WDR44: variants seen among roughly 807,000 people sequenced by gnomAD.
WDR44 encodes WD repeat domain 44.
In WDR44, 9 loss-of-function variants were observed where a neutral mutation model predicts 65.7. The observed-to-expected ratio is 0.14, with a 90% CI of 0.08 to 0.24. The LOEUF (loss-of-function observed/expected upper bound fraction) is 0.24. Among genes scored for constraint, WDR44 ranks in the 10% least tolerant of loss-of-function variants. The probability of loss-of-function intolerance (pLI) is 1.00; values close to 1 mark genes in which losing one functional copy is unlikely to be tolerated. For missense variants in WDR44, 425 were observed against 670.9 expected (o/e 0.63, Z 4.05); for synonymous variants, 220 against 235.2 (o/e 0.94, Z 0.59).
chrX:118,447,988 T>G (rs2057362601), intron 19 of WDR44, among the ~76,000 whole-genome samples: 1 of 105,512 alleles, frequency 9.5e-6, no homozygotes, highest in East Asian at 2.9e-4. Context: ...TCATTATTAT[T>G]GTGTCTTACA....
intron 12 of WDR44, 79 bp downstream of exon 12, chrX:118,411,038 A>G: frequency 3.6e-6 from 3 of 827,850 alleles, no homozygotes; most frequent in Middle Eastern, 3.3e-4. Flanking sequence ...TGTGTATCAG[A>G]AATTACAGTT....
chrX:118,392,651 A>T lies in WDR44; in HGVS notation c.206A>T (p.Glu69Val), dbSNP rs141485861. Reference sequence around the variant, plus strand: ...CATCAGATTATTGAAAGTATTATTGAGGAGAGTCAGAAAGTACTACAGCTT... The same window carrying T: ...CATCAGATTATTGAAAGTATTATTGTGGAGAGTCAGAAAGTACTACAGCTT... ...VSKKIIESII[E>V]ESQKVLQLED... The change falls in exon 4 of 20, where the codon GAG becomes GTG. Residue 69 changes from glutamate to valine, a missense_variant. By Grantham distance (121) the Glu-to-Val change is moderately radical. Coordinates refer to ENST00000254029, the MANE Select transcript of WDR44 (RefSeq NM_019045.5). The T allele has an allele frequency of 2.5e-6, 3 of 1,195,496 alleles. No individual in the cohort carries two copies. In the African/African-American group the frequency reaches 5.3e-5, roughly 21 times the overall value.
intron 8 of WDR44, among the ~76,000 whole-genome samples, chrX:118,399,307 G>A (rs1318322408): frequency 8.9e-6 from 1 of 112,129 alleles, no homozygotes; most frequent in Non-Finnish European, 1.9e-5. Flanking sequence ...CAAACTTCTA[G>A]ATCAATGGTG....
intron 2 of WDR44, among the ~76,000 whole-genome samples, chrX:118,381,576 C>CTTTT (rs371445545): frequency 2.3e-5 from 2 of 87,163 alleles, no homozygotes; most frequent in African/African-American, 4.6e-5. Context: ...GTTCTTTCTT[C>CTTTT]TTTTTTTTTT....
rs1419883050 is a variant in WDR44 at position 118,436,844 on chromosome X, T to A, written c.1974+20T>A. The A allele has an allele frequency of 2.6e-6, 3 of 1,149,059 alleles. No individual in the cohort carries two copies. In the African/African-American group the frequency reaches 5.4e-5, roughly 21 times the overall value. 94.7% of individuals were successfully genotyped at this position (1,149,059 alleles called of 1,213,427 possible). ...CCAAGAGTAAGTAACTATTTATACATGTTTTTGTTAACCTCTAAGGAAGGT... is the reference window on the plus strand; with the variant it reads ...CCAAGAGTAAGTAACTATTTATACAAGTTTTTGTTAACCTCTAAGGAAGGT... On this transcript the variant is annotated intron_variant, in intron 14 of 19. Transcript: ENST00000254029.
chrX:118,350,035 G>A (rs182391358), intron 1 of WDR44, among the ~76,000 whole-genome samples: 1 of 110,386 alleles, frequency 9.1e-6, no homozygotes, highest in East Asian at 2.8e-4. Flanking sequence ...AAATTCTGGA[G>A]TAAAATGCTT....
intron 14 of WDR44, among the ~76,000 whole-genome samples, chrX:118,438,879 C>G (rs1312531599): frequency 9.8e-6 from 1 of 101,896 alleles, no homozygotes; most frequent in Non-Finnish European, 2.0e-5. Flanking sequence ...ACCTCCACCT[C>G]CCGAGTTCAA....
At chrX:118,424,321 G>GTGTGTGTATATATATATATA (rs2057134654) in intron 12 of WDR44, among the ~76,000 whole-genome samples, 1 of 63,468 alleles carries the variant, frequency 1.6e-5, no homozygotes, top group African/African-American at 1.5e-4. Flanking sequence ...ATGTGTGTGT[G>GTGTGTGTATATATATATATA]TGTATATATA....
chrX:118,415,969 A>G (rs942931534), intron 12 of WDR44, among the ~76,000 whole-genome samples: 11 of 111,787 alleles, frequency 9.8e-5, no homozygotes, highest in Non-Finnish European at 1.7e-4. Context: ...TTATGTGCAT[A>G]AAGGTGTTCA....
At chrX:118,390,020 A>G (rs2056805339) in intron 3 of WDR44, among the ~76,000 whole-genome samples, 1 of 109,431 alleles carries the variant, frequency 9.1e-6, no homozygotes, top group African/African-American at 3.3e-5. Context: ...CAGCCTCCCA[A>G]GTAGCTGGGT....
At chrX:118,359,931 T>G (rs879033008) in intron 1 of WDR44, among the ~76,000 whole-genome samples, 1 of 112,208 alleles carries the variant, frequency 8.9e-6, no homozygotes, top group Admixed American at 9.5e-5. Context: ...CCAAGGAAAT[T>G]CGAGTGATTT....
At position 118,448,868 on chromosome X, in the gene WDR44, T is replaced by TAA. The variant is rs768241867; in HGVS notation, c.2648-22_2648-21dup. On this transcript the variant is annotated intron_variant, in intron 19 of 19. Coordinates refer to ENST00000254029, the MANE Select transcript of WDR44 (RefSeq NM_019045.5). ...CTTCATATTCCTTTAAAAATCAACT[T>TAA]AAAACTATTTTTTATACTTTTAAGG... The TAA allele has an allele frequency of 2.8e-6, 3 of 1,076,533 alleles. No individual in the cohort carries two copies. In the African/African-American group the frequency reaches 5.6e-5, roughly 20 times the overall value. 88.7% of individuals were successfully genotyped at this position (1,076,533 alleles called of 1,213,427 possible).
chrX:118,433,640 A>G (rs921901583), intron 13 of WDR44, among the ~76,000 whole-genome samples: 1 of 111,911 alleles, frequency 8.9e-6, no homozygotes, highest in African/African-American at 3.2e-5. Context: ...TCATAGTGTT[A>G]TAACAGGGAA....
At position 118,394,204 on chromosome X, in the gene WDR44, T is replaced by C. The variant is rs775419955; in HGVS notation, c.957+19T>C. On this transcript the variant is annotated intron_variant, in intron 5 of 19. Transcript: ENST00000254029. ...CGCCCAGGTTGGTGAATTAGTGTTC[T>C]GTTTCATATAGACTTTATCAGCTCC... 3.3e-6 allele frequency: 4 copies of C among 1,206,761 alleles called. No individual in the cohort carries two copies. In the East Asian group the frequency reaches 1.2e-4, roughly 36 times the overall value.
chrX:118,449,165 G>A lies in WDR44; in HGVS notation c.*178G>A, dbSNP rs187224065. On this transcript the variant is annotated 3_prime_UTR_variant, in exon 20 of 20. Coordinates refer to ENST00000254029, the MANE Select transcript of WDR44 (RefSeq NM_019045.5). ...AAACCCTGGGCTGATAGAGTAGAAA[G>A]GAATATGGCTAGAATAACATTGCCA... The A allele has an allele frequency of 1.2e-3, 363 of 314,509 alleles. 2 individuals are homozygous for A. The highest frequency in any genetic ancestry group is 8.9e-3 in the African/African-American group (334 of 37,673). The allele number at this position is 314,509 out of a possible 1,213,427, so 25.9% of individuals were successfully genotyped here.
intron 1 of WDR44, among the ~76,000 whole-genome samples, chrX:118,373,765 AT>A (rs1339495485): frequency 9.0e-6 from 1 of 111,121 alleles, no homozygotes; most frequent in African/African-American, 3.3e-5. Flanking sequence ...TAGCTGTACA[AT>A]GTAAATGACC....
intron 14 of WDR44, among the ~76,000 whole-genome samples, chrX:118,440,389 A>G (rs5956996): frequency 0.43 from 47,404 of 109,520 alleles, 10,811 homozygotes; most frequent in African/African-American, 0.86. Context: ...GTCCCCTGCA[A>G]GGTCAGATTG....
rs746696291 is a variant in WDR44, at chrX:118,374,621, T to C, written c.78-3798T>C. Among the ~76,000 whole-genome samples the C allele has an allele frequency of 7.1e-5, 8 of 112,022 alleles. No homozygotes were observed. The East Asian group carries it at 2.2e-3, about 31-fold the overall frequency. On this transcript the variant is annotated intron_variant, in intron 1 of 19. Coordinates refer to ENST00000254029, the MANE Select transcript of WDR44 (RefSeq NM_019045.5). ...TTTTAATCACCAGCTCAATATGATA[T>C]AGCTTTTTCATGTTCCCTGTCGTTA...
intron 16 of WDR44, 104 bp downstream of exon 16, chrX:118,442,449 C>T: frequency 1.1e-6 from 1 of 952,194 alleles, no homozygotes; most frequent in Middle Eastern, 2.9e-4. Flanking sequence ...TGGAATACCG[C>T]TTTTCTTCTA....
Sources: gnomAD v4.1 joint callset for allele counts (sites outside exome capture counted in the v4.1 genomes callset) on GRCh38, gnomAD v4.1.1 for gene constraint, MANE v1.5 for transcripts, NCBI Gene and HGNC (gene_info 2026-07-23, HGNC 2026-07-21) for gene names.